The following MEGF11 variants were observed in gnomAD, a reference collection of about 807,000 sequenced individuals.
MEGF11 encodes multiple EGF like domains 11.
MEGF11 carries 126 observed loss-of-function variants against 146.6 expected under a neutral mutation model. The observed-to-expected ratio is 0.86, with a 90% CI of 0.74 to 1.00. MEGF11 has a LOEUF of 1.00. Among genes scored for constraint, MEGF11 ranks in the 50% least tolerant of loss-of-function variants. The pLI is 0.00. For synonymous variants in MEGF11, 532 were observed against 583.4 expected, an observed-to-expected ratio of 0.91 and a Z score of 1.27; for missense variants, 1,509 against 1,521.2, an observed-to-expected ratio of 0.99 and a Z score of 0.13.
chr15:66,149,057 G>A (rs538319518), intron 1 of MEGF11, among the ~76,000 whole-genome samples: 8 of 152,194 alleles, frequency 5.3e-5, no homozygotes, highest in Non-Finnish European at 8.8e-5. Flanking sequence ...AAGGGTCTGC[G>A]CCCGGCAGGA....
At chr15:66,251,703 C>T (rs923292536) in intron 1 of MEGF11, among the ~76,000 whole-genome samples, 1 of 152,218 alleles carries the variant, frequency 6.6e-6, no homozygotes, top group Non-Finnish European at 1.5e-5. Flanking sequence ...CTAGAAAAGG[C>T]CCTGACCCAG....
chr15:66,033,762 T>C (rs532995493), intron 5 of MEGF11, among the ~76,000 whole-genome samples: 1 of 143,630 alleles, frequency 7.0e-6, no homozygotes, highest in African/African-American at 2.5e-5. Flanking sequence ...TAATTTTCCC[T>C]GTTGGTTTTG....
At chr15:66,109,389 T>C (rs573808700) in intron 4 of MEGF11, among the ~76,000 whole-genome samples, 3 of 152,206 alleles carry the variant, frequency 2.0e-5, no homozygotes, top group African/African-American at 7.2e-5. Flanking sequence ...CCTTTGCTCA[T>C]GCTGCCCCTC....
At chr15:65,981,349 C>T (rs1567188139) in intron 6 of MEGF11, among the ~76,000 whole-genome samples, 2 of 152,178 alleles carry the variant, frequency 1.3e-5, no homozygotes, top group South Asian at 2.1e-4. Context: ...ATCTGGAGCA[C>T]GTTCCTTCCA....
Position 66,129,343 on chromosome 15 carries a change from T to C in MEGF11, c.-8-932A>G, listed in dbSNP as rs138155415. Among the ~76,000 whole-genome samples, 216 of 152,250 alleles carry C rather than the reference T, an allele frequency of 1.4e-3. 1 individual carries two copies. Among genetic ancestry groups the C allele is most frequent in the African/African-American group, 5.0e-3 (206 of 41,556 alleles). On this transcript the variant is annotated intron_variant, in intron 1 of 25. Coordinates refer to ENST00000395614, the MANE Select transcript of MEGF11 (RefSeq NM_001385028.1). ...CTGGTGGGTCGCTGACCTTGAGGGGTGCAGAGGAGCTGGAAATCACACGCA... is the reference window on the plus strand; with the variant it reads ...CTGGTGGGTCGCTGACCTTGAGGGGCGCAGAGGAGCTGGAAATCACACGCA...
At chr15:66,017,756 G>T (rs2082941667) in intron 5 of MEGF11, among the ~76,000 whole-genome samples, 1 of 152,210 alleles carries the variant, frequency 6.6e-6, no homozygotes, top group South Asian at 2.1e-4. Context: ...ATTGGTCTTG[G>T]GTCCAGAGAG....
chr15:66,051,363 TG>T (rs1175189018), intron 5 of MEGF11, among the ~76,000 whole-genome samples: 1 of 151,986 alleles, frequency 6.6e-6, no homozygotes. Flanking sequence ...CTAAAGAGGC[TG>T]GGATGGGAAG....
intron 5 of MEGF11, among the ~76,000 whole-genome samples, chr15:66,083,997 A>C (rs2085999476): frequency 6.6e-6 from 1 of 152,240 alleles, no homozygotes; most frequent in South Asian, 2.1e-4. Flanking sequence ...AATATCTGCA[A>C]ATCACATATG....
At chr15:65,973,802 TA>T (rs2081368676) in intron 7 of MEGF11, among the ~76,000 whole-genome samples, 1 of 152,164 alleles carries the variant, frequency 6.6e-6, no homozygotes, top group Non-Finnish European at 1.5e-5. Flanking sequence ...GAAACGGCTA[TA>T]AAGCATGTTA....
At chr15:66,035,833 A>G (rs2083704870) in intron 5 of MEGF11, among the ~76,000 whole-genome samples, 1 of 152,204 alleles carries the variant, frequency 6.6e-6, no homozygotes, top group Non-Finnish European at 1.5e-5. Flanking sequence ...TTCTGTTTTT[A>G]ACACACATAT....
chr15:66,240,637 T>C (rs1198854262), intron 1 of MEGF11, among the ~76,000 whole-genome samples: 4 of 152,212 alleles, frequency 2.6e-5, no homozygotes, highest in Admixed American at 2.6e-4. Context: ...CTATGTATTA[T>C]TAATCTTAAG....
At chr15:66,002,969 G>T (rs1381937606) in intron 5 of MEGF11, among the ~76,000 whole-genome samples, 1 of 125,800 alleles carries the variant, frequency 7.9e-6, no homozygotes, top group African/African-American at 2.9e-5. Context: ...TAAGTCTAGG[G>T]CTGTTTCTTT....
At chr15:65,948,938 G>A (rs1188233309) in intron 10 of MEGF11, among the ~76,000 whole-genome samples, 6 of 152,226 alleles carry the variant, frequency 3.9e-5, no homozygotes, top group South Asian at 2.1e-4. Flanking sequence ...CCTCATTCCC[G>A]GTGCTGCATT....
intron 1 of MEGF11, among the ~76,000 whole-genome samples, chr15:66,217,137 A>G (rs1281235562): frequency 1.3e-5 from 2 of 152,226 alleles, no homozygotes; most frequent in Non-Finnish European, 1.5e-5. Context: ...CTCAGAGTCT[A>G]TTTCTCAGGA....
At chr15:65,942,947 CA>C (rs1352181138) in intron 10 of MEGF11, among the ~76,000 whole-genome samples, 1 of 111,400 alleles carries the variant, frequency 9.0e-6, no homozygotes, top group African/African-American at 3.4e-5. Flanking sequence ...CAAAACAAAA[CA>C]AAACAAAAAC....
intron 5 of MEGF11, among the ~76,000 whole-genome samples, chr15:66,071,154 TC>T: frequency 6.6e-6 from 1 of 151,992 alleles, no homozygotes. Context: ...GTCCTCTCCC[TC>T]CCCGCCCTCA....
rs140901440 is a variant in MEGF11 at position 66,044,850 on chromosome 15, CAAAAAAAAAA to C, written c.394+49542_394+49551del. Among the ~76,000 whole-genome samples, 7 of 90,714 alleles carry C rather than the reference CAAAAAAAAAA, an allele frequency of 7.7e-5. 1 individual carries two copies. Among genetic ancestry groups the C allele is most frequent in the Admixed American group, 3.2e-4 (3 of 9,286 alleles). 59.5% of individuals were successfully genotyped at this position (90,714 alleles called of 152,430 possible). A position where few individuals can be genotyped will look rare whatever the true frequency, so the allele number is the denominator to read the frequency against. ...CCTGGATGACAGTGAGACCTTATCT[CAAAAAAAAAA>C]AAAAAAAAAAAAAAAAAAAAGAAAT... On this transcript the variant is annotated intron_variant, in intron 5 of 25. Transcript: ENST00000395614.
intron 5 of MEGF11, among the ~76,000 whole-genome samples, chr15:65,994,197 A>C (rs1308026175): frequency 6.6e-6 from 1 of 152,188 alleles, no homozygotes; most frequent in Non-Finnish European, 1.5e-5. Context: ...GTTCTTCCCT[A>C]GGTCTCACTG....
At chr15:66,219,493 T>G (rs1431083788) in intron 1 of MEGF11, among the ~76,000 whole-genome samples, 1 of 152,074 alleles carries the variant, frequency 6.6e-6, no homozygotes, top group African/African-American at 2.4e-5. Flanking sequence ...GAAATGCAAA[T>G]TAAAACCTCA....
Sources: gnomAD v4.1 joint callset for allele counts (sites outside exome capture counted in the v4.1 genomes callset) on GRCh38, gnomAD v4.1.1 for gene constraint, MANE v1.5 for transcripts, NCBI Gene and HGNC (gene_info 2026-07-23, HGNC 2026-07-21) for gene names.